Variants in OPCML observed in about 807,000 individuals in gnomAD.
OPCML encodes opioid-binding protein/cell adhesion molecule.
In OPCML, 13 loss-of-function variants were observed where a neutral mutation model predicts 37.8. The observed-to-expected ratio is 0.34, with a 90% CI of 0.22 to 0.55. OPCML has a LOEUF of 0.55. OPCML is among the 20% of genes least tolerant of loss of function. OPCML has a pLI of 0.91. For missense variants in OPCML, 341 were observed against 435.6 expected, an observed-to-expected ratio of 0.78 and a Z score of 1.93; for synonymous variants, 176 against 168.8, an observed-to-expected ratio of 1.04 and a Z score of -0.33.
At chr11:132,440,606 G>T (rs1184117707) in intron 4 of OPCML, among the ~76,000 whole-genome samples, 1 of 152,200 alleles carries the variant, frequency 6.6e-6, no homozygotes, top group Non-Finnish European at 1.5e-5. Context: ...AGGACTCACT[G>T]TTCTTGGAGT....
intron 3 of OPCML, among the ~76,000 whole-genome samples, chr11:132,569,809 G>A (rs1390066054): frequency 6.6e-6 from 1 of 152,064 alleles, no homozygotes; most frequent in South Asian, 2.1e-4. Flanking sequence ...ATGGTCTATT[G>A]CAATGAAAAC....
chr11:132,605,407 A>G (rs1938218418), intron 3 of OPCML, among the ~76,000 whole-genome samples: 1 of 151,850 alleles, frequency 6.6e-6, no homozygotes, highest in South Asian at 2.1e-4. Context: ...AATAAAAAAA[A>G]AAAAAAGTTA....
chr11:133,193,211 C>G (rs1211380270), intron 1 of OPCML, among the ~76,000 whole-genome samples: 4 of 152,102 alleles, frequency 2.6e-5, no homozygotes, highest in Non-Finnish European at 5.9e-5. Context: ...CTGTACATTC[C>G]TGGTTACAAT....
At chr11:132,701,795 T>G (rs1565787757) in intron 2 of OPCML, among the ~76,000 whole-genome samples, 1 of 133,878 alleles carries the variant, frequency 7.5e-6, no homozygotes, top group Non-Finnish European at 1.6e-5. Context: ...TGTGTGTGTG[T>G]GGTGGTGGTG....
At chr11:132,471,438 G>A (rs2096137733) in intron 4 of OPCML, among the ~76,000 whole-genome samples, 1 of 152,204 alleles carries the variant, frequency 6.6e-6, no homozygotes, top group African/African-American at 2.4e-5. Flanking sequence ...TCAGGGATTT[G>A]GAATGCCTTG....
chr11:133,158,434 G>T (rs1329114963), intron 1 of OPCML, among the ~76,000 whole-genome samples: 1 of 152,140 alleles, frequency 6.6e-6, no homozygotes, highest in Non-Finnish European at 1.5e-5. Context: ...AGGCATGGTG[G>T]CTCACGCCTG....
At chr11:133,445,462 C>T (rs1021130116) in intron 1 of OPCML, among the ~76,000 whole-genome samples, 2 of 152,194 alleles carry the variant, frequency 1.3e-5, no homozygotes, top group Admixed American at 1.3e-4. Context: ...TGGCACCTGC[C>T]TCATCAACTG....
intron 2 of OPCML, among the ~76,000 whole-genome samples, chr11:132,837,827 G>T (rs755860833): frequency 2.0e-5 from 3 of 152,160 alleles, no homozygotes; most frequent in Non-Finnish European, 2.9e-5. Flanking sequence ...TGAAGCCTCA[G>T]GAGCTAAGCG....
chr11:132,863,657 C>A (rs1190896088), intron 2 of OPCML, among the ~76,000 whole-genome samples: 8 of 152,190 alleles, frequency 5.3e-5, no homozygotes, highest in Non-Finnish European at 8.8e-5. Flanking sequence ...TTTCCTTCCA[C>A]CTTTCTGGGT....
chr11:132,446,394 T>C (rs1462362032), intron 4 of OPCML, among the ~76,000 whole-genome samples: 3 of 151,876 alleles, frequency 2.0e-5, no homozygotes, highest in Non-Finnish European at 2.9e-5. Context: ...TAGAATTCCA[T>C]ACAGGCAGAC....
Position 133,212,211 on chromosome 11 carries a change from A to G in OPCML, c.62-269201T>C, listed in dbSNP as rs1939391716. On this transcript the variant is annotated intron_variant, in intron 1 of 7. Coordinates refer to ENST00000524381, the MANE Select transcript of OPCML (RefSeq NM_001012393.5). This position sits in a 1 kb window ranked among gnomAD's most constrained non-coding sequence, Gnocchi z 4.9. Reference sequence around the variant, plus strand: ...ATCAACCAAACCAGCAAGGACAACAACAAAAGCAATTTTTCCTGCCCACCA... The same window carrying G: ...ATCAACCAAACCAGCAAGGACAACAGCAAAAGCAATTTTTCCTGCCCACCA... Among the ~76,000 whole-genome samples, 2 of 152,120 alleles carry G rather than the reference A, an allele frequency of 1.3e-5. No individual in the cohort carries two copies. The highest frequency in any genetic ancestry group is 2.4e-5 in the African/African-American group (1 of 41,400).
At chr11:132,808,559 G>C (rs118086398) in intron 2 of OPCML, among the ~76,000 whole-genome samples, 2,430 of 152,304 alleles carry the variant, frequency 0.016, 27 homozygotes, top group Middle Eastern at 0.031. Flanking sequence ...AAAGAAATTT[G>C]ATGATCATTG....
At chr11:133,113,426 C>T (rs1167547096) in intron 1 of OPCML, among the ~76,000 whole-genome samples, 1 of 152,130 alleles carries the variant, frequency 6.6e-6, no homozygotes, top group Non-Finnish European at 1.5e-5. Flanking sequence ...AACAAGGAAG[C>T]AGGAGAGAAA....
At chr11:133,107,022 C>T (rs111487421) in intron 1 of OPCML, among the ~76,000 whole-genome samples, 4,063 of 152,248 alleles carry the variant, frequency 0.027, 163 homozygotes, top group African/African-American at 0.088. Flanking sequence ...GTATCCCCAC[C>T]TGGAATCAGG....
intron 1 of OPCML, among the ~76,000 whole-genome samples, chr11:133,130,953 C>T (rs1194256120): frequency 6.6e-6 from 1 of 152,160 alleles, no homozygotes; most frequent in Non-Finnish European, 1.5e-5. Flanking sequence ...CCCTCACTGC[C>T]TCTGCCAAAA....
chr11:132,499,438 G>A (rs1354446958), intron 4 of OPCML, among the ~76,000 whole-genome samples: 2 of 152,252 alleles, frequency 1.3e-5, no homozygotes, highest in African/African-American at 4.8e-5. Flanking sequence ...GTTAGGCCTG[G>A]CACAATATGA....
intron 2 of OPCML, among the ~76,000 whole-genome samples, chr11:132,782,925 A>ATATATATATATATATATATATG (rs1565860315): frequency 5.5e-4 from 79 of 144,620 alleles, no homozygotes; most frequent in Middle Eastern, 3.6e-3. Flanking sequence ...GTGTATATAT[A>ATATATATATATATATATATATG]TATATATATA....
At chr11:133,131,972 T>G (rs977979425) in intron 1 of OPCML, among the ~76,000 whole-genome samples, 1 of 152,152 alleles carries the variant, frequency 6.6e-6, no homozygotes, top group Non-Finnish European at 1.5e-5. Flanking sequence ...TTAAAATGGA[T>G]TATGGACCTA....
chr11:132,816,702 T>C (rs1371760485), intron 2 of OPCML, among the ~76,000 whole-genome samples: 1 of 152,190 alleles, frequency 6.6e-6, no homozygotes, highest in East Asian at 1.9e-4. Context: ...TGGTCCGTTG[T>C]GGGACTGCAT....
Sources: allele counts gnomAD v4.1 joint callset (sites outside exome capture counted in the v4.1 genomes callset), GRCh38; gene constraint gnomAD v4.1.1; non-coding constraint Gnocchi (gnomAD v3.1); transcripts MANE v1.5; gene names NCBI Gene and HGNC (gene_info 2026-07-23, HGNC 2026-07-21).